Variants in RPS6KC1 observed in about 807,000 individuals in gnomAD.
The protein encoded by RPS6KC1 is inactive ribosomal protein S6 kinase delta-1.
In RPS6KC1, 54 loss-of-function variants were observed where a neutral mutation model predicts 103.8. The ratio of observed to expected loss-of-function variants is 0.52; its 90% CI spans 0.42 to 0.65. The LOEUF (loss-of-function observed/expected upper bound fraction) is 0.65, where lower values mean the gene tolerates loss of function less well. Among genes scored for constraint, RPS6KC1 ranks in the 30% least tolerant of loss-of-function variants. RPS6KC1 has a pLI of 0.00. For synonymous variants in RPS6KC1, 439 were observed against 438.7 expected (o/e 1.00, Z -0.01); for missense variants, 1,151 against 1,253.8 (o/e 0.92, Z 1.24).
At chr1:213,807,119 C>G in the RPS6KC1 span, among the ~76,000 whole-genome samples, 10,961 of 152,028 alleles carry the variant, frequency 0.072, 1,160 homozygotes, top group African/African-American at 0.25. Flanking sequence ...CCACTCTCTT[C>G]TGGCTTGTAG....
At chr1:213,771,943 G>A in the RPS6KC1 span, among the ~76,000 whole-genome samples, 6 of 152,184 alleles carry the variant, frequency 3.9e-5, no homozygotes, top group African/African-American at 1.2e-4. Flanking sequence ...ATCTGGGCGG[G>A]CGTGGGGGTC....
At chr1:213,809,912 G>A in the RPS6KC1 span, among the ~76,000 whole-genome samples, 2 of 152,316 alleles carry the variant, frequency 1.3e-5, no homozygotes, top group South Asian at 4.1e-4. Flanking sequence ...CTGGCTTAAT[G>A]AAAGTAAAGC....
At chr1:213,835,341 TTGGATTC>T in the RPS6KC1 span, among the ~76,000 whole-genome samples, 2 of 152,164 alleles carry the variant, frequency 1.3e-5, no homozygotes, top group Non-Finnish European at 2.9e-5. Flanking sequence ...TGAAATATGT[TTGGATTC>T]TTGAATCGGT....
chr1:213,061,231 G>A, intron 1 of RPS6KC1, among the ~76,000 whole-genome samples: 1 of 152,216 alleles, frequency 6.6e-6, no homozygotes, highest in East Asian at 1.9e-4. Flanking sequence ...CAAACATTCA[G>A]TCTGTAGTAC....
At chr1:213,601,109 T>A in the RPS6KC1 span, among the ~76,000 whole-genome samples, 1 of 152,132 alleles carries the variant, frequency 6.6e-6, no homozygotes, top group African/African-American at 2.4e-5. Context: ...CAGAAGCAGG[T>A]GAAAAAATTT....
At chr1:213,708,075 A>T in the RPS6KC1 span, among the ~76,000 whole-genome samples, 48 of 152,312 alleles carry the variant, frequency 3.2e-4, no homozygotes, top group African/African-American at 1.1e-3. Flanking sequence ...CAATTCTGTG[A>T]AGAAAGTCAA....
intron 8 of RPS6KC1, among the ~76,000 whole-genome samples, chr1:213,226,269 A>T (rs1172689519): frequency 6.6e-6 from 1 of 151,934 alleles, no homozygotes; most frequent in East Asian, 1.9e-4. Context: ...AATGAGACTT[A>T]AGGAACACTA....
At chr1:213,684,462 C>A in the RPS6KC1 span, among the ~76,000 whole-genome samples, 2 of 152,152 alleles carry the variant, frequency 1.3e-5, no homozygotes, top group Non-Finnish European at 2.9e-5. Flanking sequence ...CCCTAAAACA[C>A]CCCACTAGGT....
chr1:213,844,963 G>A, the RPS6KC1 span, among the ~76,000 whole-genome samples: 4,379 of 150,620 alleles, frequency 0.029, 78 homozygotes, highest in Middle Eastern at 0.045. Flanking sequence ...CCCACATTAC[G>A]GGAAATACAG....
intron 6 of RPS6KC1, among the ~76,000 whole-genome samples, chr1:213,151,802 C>G (rs1352165308): frequency 4.5e-5 from 6 of 132,754 alleles, no homozygotes; most frequent in Non-Finnish European, 9.8e-5. Context: ...ACCTCCCTCC[C>G]GGACGGGGCA....
chr1:213,117,030 G>A (rs1163267450), intron 4 of RPS6KC1, among the ~76,000 whole-genome samples: 2 of 151,942 alleles, frequency 1.3e-5, no homozygotes, highest in Non-Finnish European at 2.9e-5. Flanking sequence ...GGCAGTTTAG[G>A]TTTATAGAAA....
chr1:213,069,236 TGTA>T (rs1481197565), intron 1 of RPS6KC1, among the ~76,000 whole-genome samples: 1 of 152,198 alleles, frequency 6.6e-6, no homozygotes, highest in Non-Finnish European at 1.5e-5. Flanking sequence ...TGCATAGCAC[TGTA>T]GTATAAATTA....
intron 12 of RPS6KC1, among the ~76,000 whole-genome samples, chr1:213,254,297 T>C (rs944918580): frequency 6.6e-6 from 1 of 152,214 alleles, no homozygotes; most frequent in East Asian, 1.9e-4. Context: ...TATGGATGAG[T>C]TGAAATTTAA....
At chr1:213,519,448 G>A in the RPS6KC1 span, among the ~76,000 whole-genome samples, 234 of 152,314 alleles carry the variant, frequency 1.5e-3, no homozygotes, top group African/African-American at 5.3e-3. Flanking sequence ...ATTCAGAAAT[G>A]TGAGACCAGA....
At chr1:213,740,949 CTCAGATATATGTACACATATATATA>C in the RPS6KC1 span, among the ~76,000 whole-genome samples, 6 of 82,750 alleles carry the variant, frequency 7.3e-5, no homozygotes, top group Admixed American at 2.9e-4. Context: ...ATATATACAT[CTCAGATATATGTACACATATATATA>C]TCAGATATAT....
chr1:213,785,242 C>T, the RPS6KC1 span, among the ~76,000 whole-genome samples: 1 of 152,000 alleles, frequency 6.6e-6, no homozygotes, highest in South Asian at 2.1e-4. Flanking sequence ...TGCTTAATAG[C>T]CTGGAGTTTC....
chr1:213,833,149 C>A, the RPS6KC1 span, among the ~76,000 whole-genome samples: 1 of 152,192 alleles, frequency 6.6e-6, no homozygotes, highest in Admixed American at 6.5e-5. Context: ...ATTCACAGAA[C>A]CCCAGAATGG....
chr1:213,632,423 G>A, the RPS6KC1 span, among the ~76,000 whole-genome samples: 113 of 152,280 alleles, frequency 7.4e-4, no homozygotes, highest in African/African-American at 2.6e-3. Context: ...TGGACATCCA[G>A]CAAACTCCAA....
the RPS6KC1 span, among the ~76,000 whole-genome samples, chr1:213,476,397 G>T: frequency 6.6e-6 from 1 of 152,094 alleles, no homozygotes; most frequent in Non-Finnish European, 1.5e-5. Context: ...GTCATATCAG[G>T]TCACAAAACT....
Sources: allele counts gnomAD v4.1 joint callset (sites outside exome capture counted in the v4.1 genomes callset), GRCh38; gene constraint gnomAD v4.1.1; transcripts MANE v1.5; gene names NCBI Gene and HGNC (gene_info 2026-07-23, HGNC 2026-07-21).